Variants in EFNA5 observed in about 807,000 individuals in gnomAD.
EFNA5 encodes the protein ephrin-A5.
Under a neutral mutation model 22.9 loss-of-function variants are expected in EFNA5, and 5 were observed. The ratio of observed to expected loss-of-function variants is 0.22; its 90% confidence interval spans 0.11 to 0.46. EFNA5 has a LOEUF of 0.46. Among genes scored for constraint, EFNA5 ranks in the 20% least tolerant of loss-of-function variants. EFNA5 has a pLI of 0.99. For synonymous variants in EFNA5, 113 were observed against 112.2 expected (o/e 1.01, Z -0.04); for missense variants, 237 against 293.3 (o/e 0.81, Z 1.40).
rs151320414 is a variant in EFNA5 at position 107,390,401 on chromosome 5, C to G, written c.419-2630G>C. On this transcript the variant is annotated intron_variant, in intron 2 of 4. Transcript: ENST00000333274. ...CATAAGGTAATATAAAAGTGCATTA[C>G]TAATCACAAGTAAACAAAAGGCAGA... Among the ~76,000 whole-genome samples, 9 of 152,144 alleles carry G rather than the reference C, an allele frequency of 5.9e-5. No homozygotes were observed. The East Asian group carries it at 1.7e-3, about 29-fold the overall frequency.
intron 1 of EFNA5, among the ~76,000 whole-genome samples, chr5:107,539,990 C>T (rs963178949): frequency 6.6e-6 from 1 of 152,184 alleles, no homozygotes; most frequent in Non-Finnish European, 1.5e-5. Flanking sequence ...TAAGGTGCAA[C>T]ATCTGCCTTT....
chr5:107,620,908 A>G (rs568739074), intron 1 of EFNA5, among the ~76,000 whole-genome samples: 9 of 152,366 alleles, frequency 5.9e-5, no homozygotes, highest in African/African-American at 1.9e-4. Context: ...GGAACCAATA[A>G]GGTGGAGCAG....
At chr5:107,543,494 G>A (rs1258448557) in intron 1 of EFNA5, among the ~76,000 whole-genome samples, 1 of 152,118 alleles carries the variant, frequency 6.6e-6, no homozygotes, top group African/African-American at 2.4e-5. Flanking sequence ...ATCTTGGCAA[G>A]GGCAAATAAC....
intron 1 of EFNA5, among the ~76,000 whole-genome samples, chr5:107,499,658 C>T (rs1747086886): frequency 1.3e-5 from 2 of 152,116 alleles, no homozygotes; most frequent in South Asian, 2.1e-4. Flanking sequence ...TATTAGCCAA[C>T]GTCTAAATAA....
intron 1 of EFNA5, among the ~76,000 whole-genome samples, chr5:107,496,661 G>T (rs1390405519): frequency 6.6e-6 from 1 of 152,204 alleles, no homozygotes; most frequent in Non-Finnish European, 1.5e-5. Flanking sequence ...ACAACAGCTG[G>T]TGCTGTCTGT....
At chr5:107,642,186 A>G (rs1750539186) in intron 1 of EFNA5, among the ~76,000 whole-genome samples, 3 of 152,156 alleles carry the variant, frequency 2.0e-5, no homozygotes, top group Non-Finnish European at 4.4e-5. Context: ...CAAGGAGGGG[A>G]CTGTAGGGAT....
At chr5:107,613,871 A>G (rs1749867210) in intron 1 of EFNA5, among the ~76,000 whole-genome samples, 5 of 152,260 alleles carry the variant, frequency 3.3e-5, no homozygotes, top group Non-Finnish European at 1.5e-5. Context: ...ATCAGAAAAG[A>G]CTCAAAAGTT....
intron 1 of EFNA5, among the ~76,000 whole-genome samples, chr5:107,496,012 G>A (rs1746970172): frequency 6.6e-6 from 1 of 151,630 alleles, no homozygotes; most frequent in East Asian, 1.9e-4. Context: ...TTCCTCTAAC[G>A]TCAACCCAAT....
chr5:107,580,908 G>T (rs1024832389), intron 1 of EFNA5, among the ~76,000 whole-genome samples: 1 of 152,120 alleles, frequency 6.6e-6, no homozygotes, highest in Admixed American at 6.5e-5. Flanking sequence ...TTTAAAATCA[G>T]CATGTTCCAA....
chr5:107,569,852 A>G (rs1748758078), intron 1 of EFNA5, among the ~76,000 whole-genome samples: 1 of 144,372 alleles, frequency 6.9e-6, no homozygotes, highest in South Asian at 2.1e-4. Context: ...AAAAAAAAAA[A>G]GCAAACAAAC....
At chr5:107,594,890 C>T (rs1051355142) in intron 1 of EFNA5, among the ~76,000 whole-genome samples, 7 of 152,326 alleles carry the variant, frequency 4.6e-5, no homozygotes, top group Middle Eastern at 3.4e-3. Context: ...CGTTCATTCT[C>T]ATGACCTGGA....
At chr5:107,430,470 T>C (rs1254561226) in intron 1 of EFNA5, among the ~76,000 whole-genome samples, 1 of 152,152 alleles carries the variant, frequency 6.6e-6, no homozygotes, top group Admixed American at 6.5e-5. Context: ...AAAGTAAAAA[T>C]TAAAACTGCC....
At chr5:107,566,957 C>G (rs1257002892) in intron 1 of EFNA5, among the ~76,000 whole-genome samples, 1 of 152,160 alleles carries the variant, frequency 6.6e-6, no homozygotes, top group Non-Finnish European at 1.5e-5. Flanking sequence ...TCTAGCATAA[C>G]CTTACTACAG....
intron 1 of EFNA5, among the ~76,000 whole-genome samples, chr5:107,476,517 C>A (rs1750314484): frequency 6.6e-6 from 1 of 152,070 alleles, no homozygotes; most frequent in Non-Finnish European, 1.5e-5. Flanking sequence ...CCTTCTATTC[C>A]TGCTGTTTCT....
At chr5:107,539,558 T>A (rs1188271277) in intron 1 of EFNA5, among the ~76,000 whole-genome samples, 2 of 152,144 alleles carry the variant, frequency 1.3e-5, no homozygotes, top group African/African-American at 4.8e-5. Context: ...TCCCGGGTTC[T>A]AGCAACTCTC....
At chr5:107,501,223 A>G (rs1414357323) in intron 1 of EFNA5, among the ~76,000 whole-genome samples, 1 of 152,182 alleles carries the variant, frequency 6.6e-6, no homozygotes, top group Non-Finnish European at 1.5e-5. Context: ...ATAGATATTG[A>G]CTCAACTATA....
In EFNA5 at chr5:107,490,789, G is replaced by A. The variant is rs558863568; in HGVS notation, c.126-63280C>T. Among the ~76,000 whole-genome samples the A allele has an allele frequency of 5.9e-5, 9 of 152,268 alleles. No individual in the cohort carries two copies. The East Asian group carries it at 1.4e-3, about 23-fold the overall frequency. ...ACTCAGATTCCTCTTTACTTACTGT[G>A]TCACCATCCAGTGGGGAAAAGCACC... On this transcript the variant is annotated intron_variant, in intron 1 of 4. Transcript: ENST00000333274.
At position 107,407,089 on chromosome 5, in the gene EFNA5, C is replaced by T. The variant is rs568815562; in HGVS notation, c.419-19318G>A. On this transcript the variant is annotated intron_variant, in intron 2 of 4. Coordinates refer to ENST00000333274, the MANE Select transcript of EFNA5 (RefSeq NM_001962.3). ...TTGTGCAAAGCAAAATTAGTTTAAACGTACCTTTGAAAAAACTTATACTAA... is the reference window on the plus strand; with the variant it reads ...TTGTGCAAAGCAAAATTAGTTTAAATGTACCTTTGAAAAAACTTATACTAA... 2.3e-4 allele frequency among the ~76,000 whole-genome samples: 35 copies of T among 152,264 alleles called. No individual in the cohort carries two copies. In the South Asian group the frequency reaches 5.8e-3, roughly 25 times the overall value.
intron 2 of EFNA5, among the ~76,000 whole-genome samples, chr5:107,401,945 T>TTACTCAA (rs1279874329): frequency 1.3e-5 from 2 of 152,240 alleles, no homozygotes; most frequent in African/African-American, 4.8e-5. Context: ...GCTCTCTCTA[T>TTACTCAA]TAAAGACTCT....
Sources: gnomAD v4.1 joint callset for allele counts (sites outside exome capture counted in the v4.1 genomes callset) on GRCh38, gnomAD v4.1.1 for gene constraint, MANE v1.5 for transcripts, NCBI Gene and HGNC (gene_info 2026-07-23, HGNC 2026-07-21) for gene names.